Variants in MTAP observed in about 807,000 individuals in gnomAD.
MTAP encodes the protein S-methyl-5'-thioadenosine phosphorylase.
MTAP carries 33 observed loss-of-function variants against 33.6 expected under a neutral mutation model. That is an observed-to-expected ratio of 0.98 (90% CI 0.74 to 1.31). The LOEUF (loss-of-function observed/expected upper bound fraction) is 1.31. Ranked by LOEUF, MTAP falls within the 40% of genes most tolerant of loss-of-function variation. The probability of loss-of-function intolerance (pLI) is 0.00; values close to 1 mark genes in which losing one functional copy is unlikely to be tolerated. For synonymous variants in MTAP, 148 were observed against 125.7 expected, an observed-to-expected ratio of 1.18 and a Z score of -1.19; for missense variants, 367 against 360.0, an observed-to-expected ratio of 1.02 and a Z score of -0.16.
chr9:21,810,190 CA>C (rs1372167641), intron 1 of MTAP, among the ~76,000 whole-genome samples: 2 of 152,150 alleles, frequency 1.3e-5, no homozygotes, highest in African/African-American at 2.4e-5. Context: ...AAGGTGAGAT[CA>C]AGGTGGATTT....
chr9:21,811,653 C>A (rs1168006479), intron 1 of MTAP: 1 of 524,256 alleles, frequency 1.9e-6, no homozygotes, highest in South Asian at 1.4e-5. Flanking sequence ...CACTCAAACT[C>A]TTCCTCCTCA....
At chr9:21,910,057 C>A (rs1424781225) in intron 1 of MTAP, among the ~76,000 whole-genome samples, 2 of 152,112 alleles carry the variant, frequency 1.3e-5, no homozygotes, top group African/African-American at 4.8e-5. Flanking sequence ...GACAAAATGT[C>A]AACTTTTAAG....
chr9:21,814,543 T>G (rs1162384667), intron 1 of MTAP, among the ~76,000 whole-genome samples: 2 of 152,352 alleles, frequency 1.3e-5, no homozygotes, highest in East Asian at 3.9e-4. Flanking sequence ...TTTTTAGTTT[T>G]AACAGTTTAG....
chr9:21,842,696 A>G (rs753535443), intron 5 of MTAP, among the ~76,000 whole-genome samples: 10 of 152,226 alleles, frequency 6.6e-5, no homozygotes, highest in Non-Finnish European at 1.0e-4. Context: ...TCTTTTTCAG[A>G]CAAACAAATG....
At position 21,862,267 on chromosome 9, in the gene MTAP, A is replaced by T; in HGVS notation, c.*253A>T. ...AAAATATTACATTTTAAGGGGGAAA[A>T]AAAAACCCACCATTCTCTTCTCCCC... On this transcript the variant is annotated 3_prime_UTR_variant, in exon 8 of 8. Transcript: ENST00000644715. 1 of 901,260 alleles carries T rather than the reference A, an allele frequency of 1.1e-6. No homozygotes were observed. 55.8% of individuals were successfully genotyped at this position (901,260 alleles called of 1,614,324 possible). A position where few individuals can be genotyped will look rare whatever the true frequency, so the allele number is the denominator to read the frequency against.
At chr9:21,887,724 A>G (rs568900693) in intron 1 of MTAP, among the ~76,000 whole-genome samples, 1 of 152,298 alleles carries the variant, frequency 6.6e-6, no homozygotes, top group Non-Finnish European at 1.5e-5. Context: ...TTACAGTCCC[A>G]CCAACAGTGT....
chr9:21,896,234 C>T (rs1230803794), intron 1 of MTAP, among the ~76,000 whole-genome samples: 1 of 152,226 alleles, frequency 6.6e-6, no homozygotes, highest in East Asian at 1.9e-4. Context: ...ACACAACATA[C>T]CAGAATCTCT....
chr9:21,808,294 C>T (rs1330848829), intron 1 of MTAP, among the ~76,000 whole-genome samples: 1 of 152,020 alleles, frequency 6.6e-6, no homozygotes, highest in African/African-American at 2.4e-5. Flanking sequence ...CTTAAGACAA[C>T]ACACATGAGG....
chr9:21,851,193 G>GA (rs1054938065), intron 5 of MTAP, among the ~76,000 whole-genome samples: 4 of 152,202 alleles, frequency 2.6e-5, no homozygotes, highest in Non-Finnish European at 4.4e-5. Context: ...ACTCCACAAG[G>GA]AAAAAACCAC....
chr9:21,909,646 A>G (rs1021553017), intron 1 of MTAP, among the ~76,000 whole-genome samples: 3 of 152,092 alleles, frequency 2.0e-5, no homozygotes, highest in Non-Finnish European at 2.9e-5. Context: ...TGTAGAATCT[A>G]TGTGGCCTGA....
chr9:21,879,746 A>C (rs986388039), intron 1 of MTAP, among the ~76,000 whole-genome samples: 1 of 152,066 alleles, frequency 6.6e-6, no homozygotes, highest in South Asian at 2.1e-4. Flanking sequence ...AACTCCCTCA[A>C]CATTTGCTTA....
intron 5 of MTAP, among the ~76,000 whole-genome samples, chr9:21,846,738 C>G (rs1409364848): frequency 6.6e-6 from 1 of 152,088 alleles, no homozygotes; most frequent in Non-Finnish European, 1.5e-5. Context: ...ATGCGTCTAC[C>G]CAGAGGAAAA....
downstream of MTAP, among the ~76,000 whole-genome samples, chr9:21,869,947 T>G (rs776758057): frequency 2.2e-4 from 34 of 152,214 alleles, no homozygotes; most frequent in Non-Finnish European, 4.6e-4. Flanking sequence ...CTTGCCCTCC[T>G]ATCTCTCTGA....
chr9:21,807,752 T>C (rs1006121543), intron 1 of MTAP, among the ~76,000 whole-genome samples: 7 of 152,188 alleles, frequency 4.6e-5, no homozygotes, highest in Non-Finnish European at 1.0e-4. Context: ...AGGGCTTTTT[T>C]TGTTGCTTTG....
intron 4 of MTAP, among the ~76,000 whole-genome samples, chr9:21,821,119 T>C (rs1824624942): frequency 6.6e-6 from 1 of 152,190 alleles, no homozygotes; most frequent in African/African-American, 2.4e-5. Context: ...CCTTTACATC[T>C]TTCTCCTGCC....
At chr9:21,902,327 G>T (rs1028142458) in intron 1 of MTAP, among the ~76,000 whole-genome samples, 2 of 152,158 alleles carry the variant, frequency 1.3e-5, no homozygotes, top group Non-Finnish European at 2.9e-5. Context: ...GTAGCATTTA[G>T]TTCAGAGTCT....
At chr9:21,859,103 C>T (rs188271680) in intron 6 of MTAP, 200 bp from the exon 7 acceptor site, 93 of 558,534 alleles carry the variant, frequency 1.7e-4, no homozygotes, top group Non-Finnish European at 1.5e-4. Context: ...ATCCTATCCA[C>T]GAGGACTCTG....
chr9:21,870,078 C>T (rs1293889335), downstream of MTAP, among the ~76,000 whole-genome samples: 1 of 152,170 alleles, frequency 6.6e-6, no homozygotes, highest in Non-Finnish European at 1.5e-5. Context: ...CTGGAACACT[C>T]TCCCAGCAGA....
intron 1 of MTAP, among the ~76,000 whole-genome samples, chr9:21,881,987 T>C (rs745451797): frequency 1.3e-5 from 2 of 151,966 alleles, no homozygotes; most frequent in Admixed American, 6.6e-5. Context: ...GATGGACAGA[T>C]AAAGAAAATG....
Sources: allele counts gnomAD v4.1 joint callset (sites outside exome capture counted in the v4.1 genomes callset), GRCh38; gene constraint gnomAD v4.1.1; transcripts MANE v1.5; gene names NCBI Gene and HGNC (gene_info 2026-07-23, HGNC 2026-07-21).